The following RSPH14 variants were observed in gnomAD, a reference collection of about 807,000 sequenced individuals.
RSPH14 encodes the protein radial spoke head 14 homolog.
Under a neutral mutation model 26.7 loss-of-function variants are expected in RSPH14, and 20 were observed. The observed-to-expected ratio is 0.75, with a 90% CI of 0.53 to 1.09. The LOEUF is 1.09. RSPH14 is among the 50% of genes least tolerant of loss of function. The pLI, the probability that RSPH14 is intolerant of heterozygous loss-of-function variation, is 0.00. For synonymous variants in RSPH14, 177 were observed against 189.3 expected, an observed-to-expected ratio of 0.93 and a Z score of 0.53; for missense variants, 449 against 457.2, an observed-to-expected ratio of 0.98 and a Z score of 0.16.
the RSPH14 span, chr22:23,180,631 G>A: frequency 1.8e-5 from 3 of 167,762 alleles, no homozygotes; most frequent in South Asian, 1.7e-4. Context: ...GGAAGCGAGA[G>A]GCGAGGAGCG....
At chr22:23,061,303 G>C (rs867500222) in intron 6 of RSPH14, among the ~76,000 whole-genome samples, 13 of 152,332 alleles carry the variant, frequency 8.5e-5, no homozygotes, top group Admixed American at 1.3e-4. Context: ...CATGAGCCCA[G>C]GGTTGGGTGA....
intron 4 of RSPH14, among the ~76,000 whole-genome samples, chr22:23,079,561 C>T (rs1467718869): frequency 1.3e-5 from 2 of 152,156 alleles, no homozygotes; most frequent in Admixed American, 6.5e-5. Context: ...GTCAAGCAAG[C>T]GTCGGGAGCA....
intron 4 of RSPH14, chr22:23,096,037 T>C (rs140611510): frequency 1.2e-6 from 2 of 1,607,058 alleles, no homozygotes; most frequent in Admixed American, 1.7e-5. Flanking sequence ...CGGGCCCCGC[T>C]GAGAGCAAGG....
chr22:23,152,287 C>G, the RSPH14 span, among the ~76,000 whole-genome samples: 1 of 152,208 alleles, frequency 6.6e-6, no homozygotes, highest in Admixed American at 6.5e-5. Flanking sequence ...CCTCTCCCGT[C>G]TCCCCTCTGG....
At chr22:23,145,481 C>T (rs1415138004), upstream of RSPH14, 1 of 1,608,800 alleles carries the variant, frequency 6.2e-7, no homozygotes, top group Non-Finnish European at 8.5e-7. Flanking sequence ...GCTCTCGTTG[C>T]CATGGTGATC....
chr22:23,173,622 G>GT, the RSPH14 span, among the ~76,000 whole-genome samples: 1,713 of 112,144 alleles, frequency 0.015, 83 homozygotes, highest in East Asian at 0.048. Flanking sequence ...TTTATTTTTG[G>GT]TTTTTTGTTT....
At chr22:23,062,062 T>C in intron 5 of RSPH14, 117 bp from the exon 6 acceptor site, 3 of 1,225,248 alleles carry the variant, frequency 2.4e-6, no homozygotes, top group Non-Finnish European at 3.4e-6. Flanking sequence ...CCCCAGGTAG[T>C]CCCAGGACTG....
At chr22:23,158,830 G>C in the RSPH14 span, 1 of 1,424,924 alleles carries the variant, frequency 7.0e-7, no homozygotes, top group Non-Finnish European at 9.9e-7. Flanking sequence ...GGTCCCAAGT[G>C]TGCCCTCTGC....
chr22:23,066,481 T>C (rs1475466080), intron 4 of RSPH14, among the ~76,000 whole-genome samples: 1 of 152,144 alleles, frequency 6.6e-6, no homozygotes, highest in Non-Finnish European at 1.5e-5. Context: ...TCTCAGGCAT[T>C]TGTCTTGTAC....
chr22:23,116,446 A>G (rs1317340598), intron 4 of RSPH14, among the ~76,000 whole-genome samples: 4 of 152,248 alleles, frequency 2.6e-5, no homozygotes, highest in African/African-American at 9.6e-5. Flanking sequence ...AGAGCAGGCC[A>G]GTGTCCCTCC....
chr22:23,145,899 AGGCCTAGTT>A, upstream of RSPH14: 1 of 841,942 alleles, frequency 1.2e-6, no homozygotes, highest in Non-Finnish European at 1.4e-6. Context: ...TTCAGGGAAA[AGGCCTAGTT>A]GGCTGAAAGT....
chr22:23,066,787 G>A (rs765596441), intron 4 of RSPH14, among the ~76,000 whole-genome samples: 3 of 152,168 alleles, frequency 2.0e-5, no homozygotes, highest in Non-Finnish European at 4.4e-5. Context: ...GGTAGGACAG[G>A]TGGGGCACAG....
At chr22:23,094,250 G>A (rs1472741224) in intron 4 of RSPH14, among the ~76,000 whole-genome samples, 2 of 152,160 alleles carry the variant, frequency 1.3e-5, no homozygotes, top group South Asian at 2.1e-4. Flanking sequence ...GTTGGGTGGG[G>A]CCTGGTGCCA....
At chr22:23,110,511 C>A (rs941767344) in intron 4 of RSPH14, among the ~76,000 whole-genome samples, 8 of 152,206 alleles carry the variant, frequency 5.3e-5, no homozygotes, top group African/African-American at 1.9e-4. Flanking sequence ...CACAGCAAGG[C>A]AGGTCCTTAA....
the RSPH14 span, chr22:23,150,119 C>A: frequency 6.2e-7 from 1 of 1,612,428 alleles, no homozygotes. Flanking sequence ...GGCAGGTCAG[C>A]GCTGCCTGCC....
chr22:23,146,806 T>C, upstream of RSPH14: 1 of 1,429,512 alleles, frequency 7.0e-7, no homozygotes, highest in Non-Finnish European at 9.2e-7. Flanking sequence ...ATTGTCAGAT[T>C]TACCTTGAGG....
chr22:23,123,161 C>A, intron 4 of RSPH14: 1 of 1,613,896 alleles, frequency 6.2e-7, no homozygotes, highest in Non-Finnish European at 8.5e-7. Flanking sequence ...CCTCACTCAT[C>A]CTCTTCCTGA....
the RSPH14 span, among the ~76,000 whole-genome samples, chr22:23,168,647 A>G: frequency 1.1e-4 from 17 of 152,226 alleles, no homozygotes; most frequent in African/African-American, 3.1e-4. Flanking sequence ...ATGAGCAGCC[A>G]GGACGTATGA....
chr22:23,114,568 G>A (rs918661180), intron 4 of RSPH14, among the ~76,000 whole-genome samples: 1 of 152,318 alleles, frequency 6.6e-6, no homozygotes, highest in African/African-American at 2.4e-5. Context: ...GTTGTAGCTG[G>A]CCAGCACTAT....
Sources: gnomAD v4.1 joint callset for allele counts (sites outside exome capture counted in the v4.1 genomes callset) on GRCh38, gnomAD v4.1.1 for gene constraint, MANE v1.5 for transcripts, NCBI Gene and HGNC (gene_info 2026-07-23, HGNC 2026-07-21) for gene names.